Variants in CRIM1 observed in about 807,000 individuals in gnomAD.
CRIM1 encodes cysteine-rich motor neuron 1 protein.
Under a neutral mutation model 116.4 loss-of-function variants are expected in CRIM1, and 32 were observed. The observed-to-expected ratio is 0.27, with a 90% confidence interval of 0.21 to 0.37. The LOEUF (loss-of-function observed/expected upper bound fraction) is 0.37. Among genes scored for constraint, CRIM1 ranks in the 10% least tolerant of loss-of-function variants. CRIM1 has a pLI of 1.00. For missense variants in CRIM1, 1,331 were observed against 1,354.8 expected (o/e 0.98, Z 0.28); for synonymous variants, 590 against 509.2 (o/e 1.16, Z -2.13).
At chr2:36,542,173 A>AAGAAGTG (rs1666990006) in intron 14 of CRIM1, among the ~76,000 whole-genome samples, 1 of 152,206 alleles carries the variant, frequency 6.6e-6, no homozygotes, top group Admixed American at 6.5e-5. Flanking sequence ...TGCTGGAAGT[A>AAGAAGTG]AGAAGTGGCT....
At chr2:36,470,812 C>G (rs746242925) in intron 5 of CRIM1, among the ~76,000 whole-genome samples, 1 of 152,040 alleles carries the variant, frequency 6.6e-6, no homozygotes, top group African/African-American at 2.4e-5. Context: ...ATAAGATTAG[C>G]TGCTGTAGAT....
At chr2:36,407,187 C>A (rs1022235049) in intron 2 of CRIM1, among the ~76,000 whole-genome samples, 1 of 152,104 alleles carries the variant, frequency 6.6e-6, no homozygotes, top group African/African-American at 2.4e-5. Flanking sequence ...CACAAATTGA[C>A]AATATTCTTT....
intron 5 of CRIM1, among the ~76,000 whole-genome samples, chr2:36,468,495 G>A (rs1370774707): frequency 6.6e-6 from 1 of 152,172 alleles, no homozygotes; most frequent in Non-Finnish European, 1.5e-5. Context: ...TGAGGCTTTG[G>A]CTGAACAAGA....
At chr2:36,529,960 T>C (rs906384888) in intron 13 of CRIM1, among the ~76,000 whole-genome samples, 2 of 152,192 alleles carry the variant, frequency 1.3e-5, no homozygotes, top group African/African-American at 4.8e-5. Flanking sequence ...ATTGAGGCAG[T>C]ATGGAGAGGT....
chr2:36,405,250 A>G (rs58049671), intron 2 of CRIM1, among the ~76,000 whole-genome samples: 9 of 152,318 alleles, frequency 5.9e-5, no homozygotes, highest in African/African-American at 1.7e-4. Flanking sequence ...AGCTGGGAGT[A>G]TTAGCATTCA....
chr2:36,493,273 GAA>G (rs1324950579), intron 7 of CRIM1, among the ~76,000 whole-genome samples: 1 of 147,944 alleles, frequency 6.8e-6, no homozygotes, highest in African/African-American at 2.5e-5. Flanking sequence ...AAATAAAAAG[GAA>G]AAAAAAAAGC....
intron 11 of CRIM1, 133 bp from the exon 12 acceptor site, chr2:36,517,192 TTC>T: frequency 1.5e-6 from 1 of 667,424 alleles, no homozygotes; most frequent in Non-Finnish European, 2.6e-6. Context: ...TTCTTCACTA[TTC>T]TCTTAATAAG....
At chr2:36,367,535 C>T (rs1669679755) in intron 1 of CRIM1, among the ~76,000 whole-genome samples, 1 of 152,190 alleles carries the variant, frequency 6.6e-6, no homozygotes, top group Admixed American at 6.5e-5. Context: ...TACCTCAAGA[C>T]AGGGGAACTG....
At chr2:36,497,068 A>G (rs1164248469) in intron 7 of CRIM1, among the ~76,000 whole-genome samples, 4 of 151,050 alleles carry the variant, frequency 2.6e-5, no homozygotes, top group African/African-American at 9.9e-5. Context: ...TTTCAAGGTC[A>G]GTTTAATCTT....
At chr2:36,485,371 C>T (rs1403858) in intron 7 of CRIM1, among the ~76,000 whole-genome samples, 38,267 of 152,096 alleles carry the variant, frequency 0.25, 5,022 homozygotes, top group South Asian at 0.4. Flanking sequence ...TCACCCAATA[C>T]TGTAAGTTGT....
chr2:36,377,397 G>A (rs1670407575), intron 1 of CRIM1, among the ~76,000 whole-genome samples: 1 of 152,218 alleles, frequency 6.6e-6, no homozygotes, highest in Non-Finnish European at 1.5e-5. Flanking sequence ...ATTCCATAGG[G>A]AGAAATCATG....
chr2:36,454,393 T>TA (rs1463307159), intron 4 of CRIM1, among the ~76,000 whole-genome samples: 2 of 152,014 alleles, frequency 1.3e-5, no homozygotes, highest in African/African-American at 4.8e-5. Context: ...CACACACACA[T>TA]ACAGCATCAG....
intron 13 of CRIM1, among the ~76,000 whole-genome samples, chr2:36,534,669 TACAGGAAGGAAAAGGAAG>T (rs1666401735): frequency 1.0e-5 from 1 of 100,370 alleles, no homozygotes; most frequent in Non-Finnish European, 2.0e-5. Flanking sequence ...AGGAAGGAAA[TACAGGAAGGAAAAGGAAG>T]ACAGGAAGAA....
intron 4 of CRIM1, among the ~76,000 whole-genome samples, chr2:36,457,462 G>C (rs375100701): frequency 6.6e-6 from 1 of 152,208 alleles, no homozygotes; most frequent in African/African-American, 2.4e-5. Context: ...ATGGCTGCGG[G>C]GGGAGAGTGT....
At chr2:36,432,433 G>C (rs565997268) in intron 2 of CRIM1, among the ~76,000 whole-genome samples, 1 of 152,170 alleles carries the variant, frequency 6.6e-6, no homozygotes, top group South Asian at 2.1e-4. Context: ...ATATTTTTCT[G>C]GTGTGAATTA....
intron 2 of CRIM1, among the ~76,000 whole-genome samples, chr2:36,425,408 G>A (rs948073517): frequency 2.6e-5 from 4 of 152,040 alleles, no homozygotes; most frequent in African/African-American, 7.3e-5. Context: ...GGTACAGGTC[G>A]GTGTTAGACT....
At chr2:36,448,333 A>G (rs1384855296) in intron 4 of CRIM1, among the ~76,000 whole-genome samples, 3 of 152,234 alleles carry the variant, frequency 2.0e-5, no homozygotes, top group African/African-American at 4.8e-5. Context: ...CTGAGAGTCC[A>G]TGTTCTCCTG....
intron 5 of CRIM1, among the ~76,000 whole-genome samples, chr2:36,471,275 G>A (rs1572813624): frequency 6.6e-6 from 1 of 152,188 alleles, no homozygotes; most frequent in South Asian, 2.1e-4. Flanking sequence ...CAGGGTTTTA[G>A]AGGATTGACT....
intron 4 of CRIM1, among the ~76,000 whole-genome samples, chr2:36,449,310 C>G (rs1572756404): frequency 6.6e-6 from 1 of 152,168 alleles, no homozygotes; most frequent in East Asian, 1.9e-4. Flanking sequence ...ACAGGTCTGT[C>G]TGGCACTTAC....
Sources: gnomAD v4.1 joint callset for allele counts (sites outside exome capture counted in the v4.1 genomes callset) on GRCh38, gnomAD v4.1.1 for gene constraint, MANE v1.5 for transcripts, NCBI Gene and HGNC (gene_info 2026-07-23, HGNC 2026-07-21) for gene names.